SLC16A2: variants seen among roughly 807,000 people sequenced by gnomAD.
The protein encoded by SLC16A2 is monocarboxylate transporter 8.
SLC16A2 carries 3 observed loss-of-function variants against 27.2 expected under a neutral mutation model. That is an observed-to-expected ratio of 0.11 (90% CI 0.05 to 0.28). The LOEUF (loss-of-function observed/expected upper bound fraction) is 0.28. Ranked by LOEUF, SLC16A2 falls within the 10% of genes least tolerant of loss-of-function variation. The probability of loss-of-function intolerance (pLI) is 1.00; values close to 1 mark genes in which losing one functional copy is unlikely to be tolerated. For synonymous variants in SLC16A2, 202 were observed against 187.8 expected (o/e 1.08, Z -0.62); for missense variants, 295 against 458.5 (o/e 0.64, Z 3.26).
intron 1 of SLC16A2, among the ~76,000 whole-genome samples, chrX:74,483,083 A>G (rs1004595821): frequency 9.0e-6 from 1 of 110,996 alleles, no homozygotes; most frequent in African/African-American, 3.3e-5. Context: ...TAAGTTCAAC[A>G]TCTGGCCTAG....
chrX:74,500,290 A>G (rs1010296421), intron 1 of SLC16A2, among the ~76,000 whole-genome samples: 17 of 111,463 alleles, frequency 1.5e-4, no homozygotes, highest in African/African-American at 5.5e-4. Context: ...CAGGGAACAC[A>G]GGGCATTTGA....
At position 74,531,545 on chromosome X, in the gene SLC16A2, C is replaced by G; in HGVS notation, c.1612C>G (p.Pro538Ala). Residue 538 changes from proline (P) to alanine (A), a missense_variant, in exon 6 of 6, where the codon CCA (proline) becomes GCA (alanine). Physicochemically the swap from Pro to Ala is conservative, Grantham distance 27. Coordinates refer to ENST00000587091, the MANE Select transcript of SLC16A2 (RefSeq NM_006517.5). ...GCCGGGCTCCCCCAACCCTGAGGAA[C>G]CAATCTAATGCCTTTCTTGCCATTG... ...LLPGSPNPEEPI is the reference protein window; with the variant it reads ...LLPGSPNPEEAI 8.4e-7 allele frequency: 1 copy of G among 1,195,817 alleles called. No individual in the cohort carries two copies. The highest frequency in any genetic ancestry group is 1.1e-6 in the Non-Finnish European group (1 of 881,901).
chrX:74,532,438 A>G lies in SLC16A2; in HGVS notation c.*885A>G, dbSNP rs186622561. ...CCAGTCACTGATTTTTACAAATCTT[A>G]CAGTCCAAGGCATTAACCTCAAGGC... is the stretch of plus-strand genomic sequence containing the variant. On this transcript the variant is annotated 3_prime_UTR_variant, in exon 6 of 6. Transcript: ENST00000587091. 222 of 112,405 alleles carry G rather than the reference A, an allele frequency of 2.0e-3. 3 individuals carry two copies. The highest frequency in any genetic ancestry group is 1.4e-3 in the Non-Finnish European group (73 of 53,264). The allele number at this position is 112,405 out of a possible 1,213,427, so 9.3% of individuals were successfully genotyped here. A position where few individuals can be genotyped will look rare whatever the true frequency, so the allele number is the denominator to read the frequency against.
At chrX:74,473,519 C>T in intron 1 of SLC16A2, 1 of 618,951 alleles carries the variant, frequency 1.6e-6, no homozygotes, top group Non-Finnish European at 2.7e-6. Flanking sequence ...CCTTTTCTTA[C>T]CACTGCCTCA....
intron 1 of SLC16A2, among the ~76,000 whole-genome samples, chrX:74,487,223 T>C (rs1929737541): frequency 9.0e-6 from 1 of 111,213 alleles, no homozygotes; most frequent in Non-Finnish European, 1.9e-5. Context: ...AACAGTTCTA[T>C]GATTCTGTGG....
chrX:74,506,203 C>A (rs1290485943), intron 1 of SLC16A2, among the ~76,000 whole-genome samples: 1 of 111,777 alleles, frequency 8.9e-6, no homozygotes, highest in Non-Finnish European at 1.9e-5. Flanking sequence ...AGGCCTCCAA[C>A]CCACCATTTA....
chrX:74,500,231 G>C (rs771670586), intron 1 of SLC16A2, among the ~76,000 whole-genome samples: 2 of 110,797 alleles, frequency 1.8e-5, no homozygotes, highest in African/African-American at 6.6e-5. Flanking sequence ...AGGAAACACG[G>C]GTATGGTGAC....
chrX:74,463,703 A>G (rs1355639596), intron 1 of SLC16A2, among the ~76,000 whole-genome samples: 1 of 110,389 alleles, frequency 9.1e-6, no homozygotes, highest in African/African-American at 3.3e-5. Context: ...ATTTTTTTGT[A>G]TTTTTAGTAG....
At chrX:74,488,047 G>A in intron 1 of SLC16A2, among the ~76,000 whole-genome samples, 1 of 111,687 alleles carries the variant, frequency 9.0e-6, no homozygotes, top group East Asian at 2.8e-4. Context: ...ACTGGAGAGA[G>A]TTGAGATTAA....
At chrX:74,473,973 A>T (rs1602120899) in intron 1 of SLC16A2, 1 of 298,592 alleles carries the variant, frequency 3.3e-6, no homozygotes. Context: ...GTGAAGACAG[A>T]CTTTAATGAC....
chrX:74,511,146 G>A (rs954234388), intron 1 of SLC16A2, among the ~76,000 whole-genome samples: 4 of 111,379 alleles, frequency 3.6e-5, no homozygotes, highest in African/African-American at 6.5e-5. Flanking sequence ...AAAATGTGGA[G>A]AGATAAAAAT....
intron 1 of SLC16A2, among the ~76,000 whole-genome samples, chrX:74,501,532 C>G (rs1930034857): frequency 9.0e-6 from 1 of 111,222 alleles, no homozygotes; most frequent in South Asian, 4.0e-4. Context: ...CAACTATAAC[C>G]CTGGAGCAGG....
At chrX:74,461,407 A>AGTGTGTGTGTGT (rs140818072) in intron 1 of SLC16A2, among the ~76,000 whole-genome samples, 175 of 103,821 alleles carry the variant, frequency 1.7e-3, no homozygotes, top group Non-Finnish European at 2.8e-3. Flanking sequence ...AGAGAGAGAG[A>AGTGTGTGTGTGT]GTGTGTGTGT....
chrX:74,530,993 G>A (rs768153071), intron 5 of SLC16A2, among the ~76,000 whole-genome samples: 40 of 112,203 alleles, frequency 3.6e-4, no homozygotes, highest in Admixed American at 1.1e-3. Context: ...AGGAGGCTGG[G>A]AAATATCACT....
chrX:74,431,520 C>A (rs1928534236), intron 1 of SLC16A2, among the ~76,000 whole-genome samples: 1 of 111,619 alleles, frequency 9.0e-6, no homozygotes, highest in Admixed American at 9.5e-5. Flanking sequence ...CCATCAGGTA[C>A]CATACTCACT....
chrX:74,520,272 C>T (rs1930385374), intron 1 of SLC16A2, among the ~76,000 whole-genome samples: 1 of 110,884 alleles, frequency 9.0e-6, no homozygotes, highest in African/African-American at 3.3e-5. Flanking sequence ...AAGAGAGGCT[C>T]AAGATGAAAC....
At chrX:74,514,082 G>A (rs1930276723) in intron 1 of SLC16A2, among the ~76,000 whole-genome samples, 1 of 111,442 alleles carries the variant, frequency 9.0e-6, no homozygotes, top group Non-Finnish European at 1.9e-5. Flanking sequence ...AAAAATGCTG[G>A]ACATTATATC....
chrX:74,448,576 A>G (rs986801651), intron 1 of SLC16A2, among the ~76,000 whole-genome samples: 1 of 110,898 alleles, frequency 9.0e-6, no homozygotes, highest in African/African-American at 3.3e-5. Flanking sequence ...TGATCCTTAA[A>G]GCTAGGCTCC....
At chrX:74,511,275 A>G (rs1364656467) in intron 1 of SLC16A2, among the ~76,000 whole-genome samples, 1 of 110,032 alleles carries the variant, frequency 9.1e-6, no homozygotes, top group African/African-American at 3.3e-5. Context: ...TCCGCCTCCC[A>G]GGTTCGCGCC....
Sources: allele counts gnomAD v4.1 joint callset (sites outside exome capture counted in the v4.1 genomes callset), GRCh38; gene constraint gnomAD v4.1.1; transcripts MANE v1.5; gene names NCBI Gene and HGNC (gene_info 2026-07-23, HGNC 2026-07-21).